The following TGM2 variants were observed in gnomAD, a reference collection of about 807,000 sequenced individuals.
TGM2 encodes the protein transglutaminase 2, also known as protein-glutamine gamma-glutamyltransferase 2.
A neutral mutation model predicts 75.6 loss-of-function variants in TGM2; 53 were observed. That is an observed-to-expected ratio of 0.70 (90% CI 0.56 to 0.88). The LOEUF is 0.88. Among genes scored for constraint, TGM2 ranks in the 40% least tolerant of loss-of-function variants. The probability of loss-of-function intolerance (pLI) is 0.00; values close to 1 mark genes in which losing one functional copy is unlikely to be tolerated. For missense variants in TGM2, 842 were observed against 928.5 expected (o/e 0.91, Z 1.21); for synonymous variants, 374 against 381.1 (o/e 0.98, Z 0.22).
Position 38,133,103 on chromosome 20 carries a change from T to C in TGM2, c.1616-603A>G, listed in dbSNP as rs76047029. The C allele has an allele frequency of 1.1e-3, 385 of 350,012 alleles. 8 individuals are homozygous for C. The East Asian group carries it at 0.025, about 23-fold the overall frequency. 21.7% of individuals were successfully genotyped at this position (350,012 alleles called of 1,614,324 possible). A position where few individuals can be genotyped will look rare whatever the true frequency, so the allele number is the denominator to read the frequency against. ...GTTGTCCTAGGTCACACAGCTGATA[T>C]GTACTGTGCAGGCATCTGGACTAAT... On this transcript the variant is annotated intron_variant, in intron 10 of 12. Transcript: ENST00000361475.
rs2074789864 is a variant in TGM2, at chr20:38,128,526, C to CT, written c.*1692dup. On this transcript the variant is annotated 3_prime_UTR_variant, in exon 13 of 13. Coordinates refer to ENST00000361475, the MANE Select transcript of TGM2 (RefSeq NM_004613.4). ...TCCTTGCGGTTCAGAAGCACATCTA[C>CT]TGCCTGGTTGGAACCCAAGGCTTTT... 6.6e-6 allele frequency: 1 copy of CT among 152,248 alleles called. No individual in the cohort carries two copies. Among genetic ancestry groups the CT allele is most frequent in the Non-Finnish European group, 1.5e-5 (1 of 68,044 alleles). The allele number at this position is 152,248 out of a possible 1,614,324, so 9.4% of individuals were successfully genotyped here. A position where few individuals can be genotyped will look rare whatever the true frequency, so the allele number is the denominator to read the frequency against.
intron 10 of TGM2, among the ~76,000 whole-genome samples, chr20:38,135,102 C>T (rs2074882629): frequency 6.6e-6 from 1 of 152,234 alleles, no homozygotes; most frequent in African/African-American, 2.4e-5. Context: ...AGTCAGCATG[C>T]TTGGCTGATG....
At chr20:38,151,372 TTTAAAGA>T (rs1484221559) in intron 3 of TGM2, among the ~76,000 whole-genome samples, 6 of 152,066 alleles carry the variant, frequency 3.9e-5, no homozygotes, top group Non-Finnish European at 7.3e-5. Context: ...AAAGCCCCAT[TTTAAAGA>T]CCAGAAAACT....
intron 3 of TGM2, 80 bp from the exon 4 acceptor site, chr20:38,151,137 AATTCCCTAG>A: frequency 9.5e-7 from 1 of 1,047,770 alleles, no homozygotes; most frequent in Non-Finnish European, 1.5e-6. Context: ...CAAGGGTGCC[AATTCCCTAG>A]GCCAAGCCAG....
intron 3 of TGM2, among the ~76,000 whole-genome samples, chr20:38,153,528 A>AAAAAAAAAAAAAAAAGAAAG (rs56670550): frequency 8.0e-6 from 1 of 125,254 alleles, no homozygotes; most frequent in East Asian, 2.9e-4. Flanking sequence ...TGGTCTCAAA[A>AAAAAAAAAAAAAAAAGAAAG]AAAAGAAAAA....
At chr20:38,141,763 T>C (rs1398065605) in intron 7 of TGM2, among the ~76,000 whole-genome samples, 3 of 138,548 alleles carry the variant, frequency 2.2e-5, no homozygotes, top group Non-Finnish European at 4.6e-5. Flanking sequence ...CTCCTGGCAG[T>C]TGTCAGCCCC....
At chr20:38,165,332 C>T, upstream of TGM2, 1 of 1,376,616 alleles carries the variant, frequency 7.3e-7, no homozygotes, top group Non-Finnish European at 1.0e-6. Context: ...GGCGGGGCCC[C>T]GCGGGAAGGC....
intron 5 of TGM2, 110 bp downstream of exon 5, chr20:38,147,851 C>G: frequency 6.8e-7 from 1 of 1,476,598 alleles, no homozygotes; most frequent in East Asian, 2.5e-5. Context: ...CAAGACTTAC[C>G]CATCTCCCGG....
intron 2 of TGM2, among the ~76,000 whole-genome samples, chr20:38,160,080 C>T (rs2075236195): frequency 6.6e-6 from 1 of 152,174 alleles, no homozygotes; most frequent in Admixed American, 6.5e-5. Flanking sequence ...GTGTCTCCAC[C>T]AGGAGGGCAG....
intron 10 of TGM2, chr20:38,133,152 A>G (rs1350737665): frequency 9.9e-6 from 3 of 302,058 alleles, no homozygotes; most frequent in Non-Finnish European, 2.0e-5. Context: ...GAGTCCAACA[A>G]TATGGTCCAC....
chr20:38,143,888 G>T (rs1332487293), intron 6 of TGM2, among the ~76,000 whole-genome samples: 1 of 152,198 alleles, frequency 6.6e-6, no homozygotes, highest in African/African-American at 2.4e-5. Context: ...GAGCTTACTG[G>T]TTGGCCCTGG....
At position 38,130,177 on chromosome 20, in the gene TGM2, G is replaced by C; in HGVS notation, c.*42C>G. The C allele has an allele frequency of 6.2e-7, 1 of 1,611,228 alleles. No individual in the cohort carries two copies. On this transcript the variant is annotated 3_prime_UTR_variant, in exon 13 of 13. Transcript: ENST00000361475. Reference sequence around the variant, plus strand: ...CTCACTAGCTTGGGATAAGGATTGGGATCAAGGTGGGGGCTCTCAGCAGGC... The same window carrying C: ...CTCACTAGCTTGGGATAAGGATTGGCATCAAGGTGGGGGCTCTCAGCAGGC...
chr20:38,148,318 A>G (rs2075072020), intron 4 of TGM2, among the ~76,000 whole-genome samples: 1 of 152,116 alleles, frequency 6.6e-6, no homozygotes, highest in South Asian at 2.1e-4. Flanking sequence ...GAGGGTAACA[A>G]TTTTCATCCA....
At chr20:38,164,652 CA>C (rs1363701016) in intron 1 of TGM2, among the ~76,000 whole-genome samples, 1 of 152,088 alleles carries the variant, frequency 6.6e-6, no homozygotes, top group African/African-American at 2.4e-5. Flanking sequence ...AACAATTGGC[CA>C]AGGTCTAGGG....
At chr20:38,142,295 C>G in intron 6 of TGM2, 96 bp from the exon 7 acceptor site, 1 of 1,574,078 alleles carries the variant, frequency 6.4e-7, no homozygotes, top group Non-Finnish European at 8.7e-7. Context: ...GAACACTGTA[C>G]CTGCTGTCCA....
chr20:38,167,507 T>G (rs1363442278), upstream of TGM2, among the ~76,000 whole-genome samples: 1 of 152,160 alleles, frequency 6.6e-6, no homozygotes, highest in African/African-American at 2.4e-5. Context: ...CCAGTTAATA[T>G]TTCTAATTTT....
At chr20:38,145,115 C>T (rs1376221173) in intron 6 of TGM2, among the ~76,000 whole-genome samples, 3 of 152,078 alleles carry the variant, frequency 2.0e-5, no homozygotes, top group South Asian at 4.1e-4. Context: ...TCAGAGGTCA[C>T]GGGGAACAGG....
intron 2 of TGM2, among the ~76,000 whole-genome samples, chr20:38,160,471 G>T (rs761403099): frequency 6.6e-6 from 1 of 152,216 alleles, no homozygotes. Context: ...ATATCTGCAG[G>T]CCCTCCCCCA....
intron 1 of TGM2, among the ~76,000 whole-genome samples, chr20:38,161,939 GT>G (rs1359384303): frequency 5.3e-5 from 8 of 152,080 alleles, no homozygotes; most frequent in Admixed American, 3.9e-4. Flanking sequence ...GAGGACAGGC[GT>G]GCACCACTAA....
Sources: allele counts gnomAD v4.1 joint callset (sites outside exome capture counted in the v4.1 genomes callset), GRCh38; gene constraint gnomAD v4.1.1; transcripts MANE v1.5; gene names NCBI Gene and HGNC (gene_info 2026-07-23, HGNC 2026-07-21).